Variants in NTRK3 observed in about 807,000 individuals in gnomAD.
NTRK3 encodes the protein neurotrophic receptor tyrosine kinase 3, also known as NT-3 growth factor receptor.
NTRK3 carries 24 observed loss-of-function variants against 91.7 expected under a neutral mutation model. That is an observed-to-expected ratio of 0.26 (90% CI 0.19 to 0.37). NTRK3 has a LOEUF of 0.37. Among genes scored for constraint, NTRK3 ranks in the 10% least tolerant of loss-of-function variants. NTRK3 has a pLI of 1.00. For missense variants in NTRK3, 880 were observed against 1,068.9 expected (o/e 0.82, Z 2.46); for synonymous variants, 483 against 404.0 (o/e 1.20, Z -2.34).
At chr15:87,911,669 T>A (rs557563621) in intron 17 of NTRK3, among the ~76,000 whole-genome samples, 39 of 152,312 alleles carry the variant, frequency 2.6e-4, no homozygotes, top group African/African-American at 9.1e-4. Flanking sequence ...GGACAACCCT[T>A]GCATACATCT....
chr15:87,892,170 C>T (rs922996379), intron 17 of NTRK3, among the ~76,000 whole-genome samples: 1 of 152,028 alleles, frequency 6.6e-6, no homozygotes, highest in African/African-American at 2.4e-5. Context: ...TTCTAAATCT[C>T]AGGAGTGAAA....
At chr15:88,074,171 G>T (rs2047337226) in intron 13 of NTRK3, among the ~76,000 whole-genome samples, 1 of 152,230 alleles carries the variant, frequency 6.6e-6, no homozygotes. Flanking sequence ...CTTCACAGAA[G>T]AGGAGACAGA....
chr15:88,247,997 G>A (rs947153276), intron 3 of NTRK3, among the ~76,000 whole-genome samples: 1 of 152,158 alleles, frequency 6.6e-6, no homozygotes, highest in Non-Finnish European at 1.5e-5. Flanking sequence ...AATGCTCCTG[G>A]CACCCCAAAG....
intron 13 of NTRK3, among the ~76,000 whole-genome samples, chr15:88,077,470 TG>T (rs2047651630): frequency 1.3e-5 from 2 of 150,508 alleles, no homozygotes; most frequent in Admixed American, 6.6e-5. Context: ...CGCCTCCCCA[TG>T]GGAGTTTAAA....
At chr15:88,119,715 C>G (rs991728) in intron 13 of NTRK3, among the ~76,000 whole-genome samples, 37,012 of 152,112 alleles carry the variant, frequency 0.24, 4,851 homozygotes, top group African/African-American at 0.31. Flanking sequence ...CGAGGAGGAG[C>G]AAAGAATGGA....
chr15:87,954,148 G>A (rs986524934), intron 14 of NTRK3, among the ~76,000 whole-genome samples: 1 of 151,846 alleles, frequency 6.6e-6, no homozygotes, highest in Non-Finnish European at 1.5e-5. Flanking sequence ...CAGGGTTCAG[G>A]CAAGGCCCAC....
chr15:87,875,581 A>C (rs2064926507), exon 19 of NTRK3: 2 of 232,626 alleles, frequency 8.6e-6, no homozygotes, highest in Non-Finnish European at 1.7e-5. Flanking sequence ...CACAAAAGTG[A>C]TTTCTCAGCC....
intron 5 of NTRK3, among the ~76,000 whole-genome samples, chr15:88,176,223 G>A (rs186199356): frequency 3.7e-4 from 50 of 135,292 alleles, no homozygotes; most frequent in Admixed American, 2.8e-3. Context: ...TGCAACCTCC[G>A]CCTCCCAGGT....
At chr15:88,249,153 G>A (rs1413218432) in intron 3 of NTRK3, among the ~76,000 whole-genome samples, 1 of 152,146 alleles carries the variant, frequency 6.6e-6, no homozygotes, top group African/African-American at 2.4e-5. Context: ...CTTATGATGG[G>A]ACAAGCCAGG....
At chr15:88,035,946 C>T (rs1178742238) in intron 13 of NTRK3, among the ~76,000 whole-genome samples, 1 of 151,378 alleles carries the variant, frequency 6.6e-6, no homozygotes, top group East Asian at 1.9e-4. Flanking sequence ...AGAAATCTTC[C>T]AGAAAATTAA....
intron 14 of NTRK3, among the ~76,000 whole-genome samples, chr15:87,985,945 C>T (rs925429215): frequency 6.6e-6 from 1 of 152,206 alleles, no homozygotes; most frequent in African/African-American, 2.4e-5. Flanking sequence ...CTGATCTTGG[C>T]TTAAAGGAGT....
At chr15:88,199,575 C>T (rs1377007031) in intron 3 of NTRK3, among the ~76,000 whole-genome samples, 1 of 152,142 alleles carries the variant, frequency 6.6e-6, no homozygotes, top group Non-Finnish European at 1.5e-5. Flanking sequence ...CCCAGGAGTC[C>T]CATAGTGGGG....
In NTRK3 at chr15:88,139,786, G is replaced by A. The variant is rs569248054; in HGVS notation, c.465-2225C>T. 1.3e-3 allele frequency among the ~76,000 whole-genome samples: 191 copies of A among 152,188 alleles called. 5 individuals carry two copies. In the South Asian group the frequency reaches 0.036, roughly 29 times the overall value. On this transcript the variant is annotated intron_variant, in intron 6 of 18. Transcript: ENST00000394480. Reference sequence around the variant, plus strand: ...GCACAGTTTCAAACCTCAGTGTGCTGGACTTCAAAACTCATGCACTCTCCA... The same window carrying A: ...GCACAGTTTCAAACCTCAGTGTGCTAGACTTCAAAACTCATGCACTCTCCA...
chr15:88,147,019 T>C (rs1431045865), intron 6 of NTRK3, among the ~76,000 whole-genome samples: 1 of 152,142 alleles, frequency 6.6e-6, no homozygotes, highest in African/African-American at 2.4e-5. Flanking sequence ...ATATTATGAA[T>C]GTGATTTATT....
intron 17 of NTRK3, among the ~76,000 whole-genome samples, chr15:87,921,931 G>C (rs2141845959): frequency 6.6e-6 from 1 of 151,648 alleles, no homozygotes; most frequent in South Asian, 2.1e-4. Context: ...CCATCAGTAA[G>C]AATTCTATCA....
At chr15:88,089,189 G>T (rs981888831) in intron 13 of NTRK3, among the ~76,000 whole-genome samples, 2 of 152,132 alleles carry the variant, frequency 1.3e-5, no homozygotes, top group African/African-American at 4.8e-5. Flanking sequence ...AAACCGACAT[G>T]CCTGCATTCA....
At chr15:88,085,086 A>G (rs374770463) in intron 13 of NTRK3, among the ~76,000 whole-genome samples, 2 of 152,230 alleles carry the variant, frequency 1.3e-5, no homozygotes, top group South Asian at 4.1e-4. Context: ...AGCCAATGTC[A>G]AATAAAACAG....
intron 3 of NTRK3, among the ~76,000 whole-genome samples, chr15:88,226,594 C>G (rs1426725943): frequency 6.6e-6 from 1 of 152,228 alleles, no homozygotes; most frequent in Admixed American, 6.5e-5. Flanking sequence ...TGTCCTCAGG[C>G]CCCCACTGCC....
chr15:88,252,010 T>C (rs1469384916), intron 3 of NTRK3, among the ~76,000 whole-genome samples: 1 of 152,032 alleles, frequency 6.6e-6, no homozygotes, highest in Non-Finnish European at 1.5e-5. Flanking sequence ...GGGTCTTGGC[T>C]CTGGAGCCAC....
Sources: gnomAD v4.1 joint callset for allele counts (sites outside exome capture counted in the v4.1 genomes callset) on GRCh38, gnomAD v4.1.1 for gene constraint, MANE v1.5 for transcripts, NCBI Gene and HGNC (gene_info 2026-07-23, HGNC 2026-07-21) for gene names.